Variants in CTNNA3 observed in about 807,000 individuals in gnomAD.
CTNNA3 encodes the protein catenin alpha 3.
Under a neutral mutation model 95.7 loss-of-function variants are expected in CTNNA3, and 76 were observed. The observed-to-expected ratio is 0.79, with a 90% CI of 0.66 to 0.96. The LOEUF (loss-of-function observed/expected upper bound fraction) is 0.96, where lower values mean the gene tolerates loss of function less well. Ranked by LOEUF, CTNNA3 falls within the 40% of genes least tolerant of loss-of-function variation. The pLI is 0.00. For missense variants in CTNNA3, 1,191 were observed against 1,089.8 expected, an observed-to-expected ratio of 1.09 and a Z score of -1.31; for synonymous variants, 431 against 374.4, an observed-to-expected ratio of 1.15 and a Z score of -1.74.
chr10:66,404,383 A>G lies in CTNNA3; in HGVS notation c.1532-25031T>C, dbSNP rs113843444. The stretch of plus-strand genomic sequence containing the variant: ...TTCACTACTGCAATGCTGTGGTCTC[A>G]GTAGTTTGATTTTGTTTGTGCAGCA... On this transcript the variant is annotated intron_variant, in intron 11 of 17. Coordinates refer to ENST00000433211, the MANE Select transcript of CTNNA3 (RefSeq NM_013266.4). Among the ~76,000 whole-genome samples, 1,023 of 152,234 alleles carry G rather than the reference A, an allele frequency of 6.7e-3. 15 individuals are homozygous for G. The highest frequency in any genetic ancestry group is 0.024 in the African/African-American group (987 of 41,552).
At chr10:66,890,506 G>A (rs1032618686) in intron 7 of CTNNA3, among the ~76,000 whole-genome samples, 8 of 152,116 alleles carry the variant, frequency 5.3e-5, no homozygotes, top group African/African-American at 1.9e-4. Flanking sequence ...ATACTGGTGA[G>A]AGATGGGGTA....
At position 66,050,858 on chromosome 10, in the gene CTNNA3, C is replaced by CT. The variant is rs11345645; in HGVS notation, c.2159+18449dup. 1.7e-4 allele frequency among the ~76,000 whole-genome samples: 25 copies of CT among 148,124 alleles called. No homozygotes were observed. In the South Asian group the frequency reaches 2.6e-3, roughly 15 times the overall value. On this transcript the variant is annotated intron_variant, in intron 15 of 17. Coordinates refer to ENST00000433211, the MANE Select transcript of CTNNA3 (RefSeq NM_013266.4). ...TTCTTTTCTGGGTTCCCATTTCTTA[C>CT]TTTTTTTTTTTAAGAGATGGGGTCT...
chr10:66,231,014 C>T (rs72797255), intron 13 of CTNNA3, among the ~76,000 whole-genome samples: 17,516 of 152,020 alleles, frequency 0.12, 1,082 homozygotes, highest in Middle Eastern at 0.18. Context: ...GGTGGTGGCT[C>T]TTCTCTAAAA....
At chr10:66,796,443 A>G (rs1163671805) in intron 7 of CTNNA3, among the ~76,000 whole-genome samples, 1 of 152,030 alleles carries the variant, frequency 6.6e-6, no homozygotes, top group Non-Finnish European at 1.5e-5. Context: ...GTGGCCCCCT[A>G]AGACAATAAC....
intron 1 of CTNNA3, among the ~76,000 whole-genome samples, chr10:67,718,014 T>C (rs1589579674): frequency 6.6e-6 from 1 of 152,228 alleles, no homozygotes; most frequent in Non-Finnish European, 1.5e-5. Flanking sequence ...TTTATAGTTC[T>C]CCTTGAAGAG....
intron 10 of CTNNA3, among the ~76,000 whole-genome samples, chr10:66,603,561 A>G (rs866466991): frequency 3.3e-5 from 5 of 152,192 alleles, no homozygotes; most frequent in Admixed American, 6.5e-5. Flanking sequence ...TATTAATGAT[A>G]TTCTTCAGGT....
intron 11 of CTNNA3, among the ~76,000 whole-genome samples, chr10:66,425,052 A>T (rs774771445): frequency 6.6e-6 from 1 of 152,056 alleles, no homozygotes; most frequent in Non-Finnish European, 1.5e-5. Flanking sequence ...AGCTATCTAC[A>T]AATAATTGTG....
At chr10:67,634,152 C>A (rs1839232765) in intron 2 of CTNNA3, among the ~76,000 whole-genome samples, 1 of 152,118 alleles carries the variant, frequency 6.6e-6, no homozygotes, top group Non-Finnish European at 1.5e-5. Context: ...CCCTACAAGG[C>A]AGAAGAGATT....
At chr10:67,691,317 G>A (rs956841149) in intron 1 of CTNNA3, among the ~76,000 whole-genome samples, 13 of 152,180 alleles carry the variant, frequency 8.5e-5, no homozygotes, top group East Asian at 1.9e-4. Context: ...CCACCACCCC[G>A]TCTGGGAAGT....
intron 9 of CTNNA3, among the ~76,000 whole-genome samples, chr10:66,700,851 T>C (rs1011903166): frequency 7.9e-5 from 12 of 152,212 alleles, no homozygotes; most frequent in Non-Finnish European, 8.8e-5. Flanking sequence ...TAGCAGGAGC[T>C]GTATATTCTC....
At chr10:66,643,487 A>G (rs1337087973) in intron 9 of CTNNA3, among the ~76,000 whole-genome samples, 1 of 152,174 alleles carries the variant, frequency 6.6e-6, no homozygotes, top group Non-Finnish European at 1.5e-5. Context: ...ATGGAAGACT[A>G]CTTAAGGGCA....
intron 12 of CTNNA3, among the ~76,000 whole-genome samples, chr10:66,327,784 G>A (rs956638302): frequency 1.3e-5 from 2 of 152,084 alleles, no homozygotes; most frequent in African/African-American, 2.4e-5. Flanking sequence ...TCTTAAAACT[G>A]TATCATGAAT....
intron 13 of CTNNA3, among the ~76,000 whole-genome samples, chr10:66,110,775 A>G (rs1203770388): frequency 1.3e-5 from 2 of 152,148 alleles, no homozygotes; most frequent in Non-Finnish European, 2.9e-5. Context: ...AACAATCAGG[A>G]CACATCCTGA....
intron 5 of CTNNA3, among the ~76,000 whole-genome samples, chr10:67,276,898 C>CAT (rs1165780290): frequency 6.6e-6 from 1 of 151,558 alleles, no homozygotes; most frequent in African/African-American, 2.4e-5. Flanking sequence ...TATATATACA[C>CAT]ATATATATAT....
chr10:66,446,094 G>A (rs930320694), intron 11 of CTNNA3, among the ~76,000 whole-genome samples: 2 of 152,136 alleles, frequency 1.3e-5, no homozygotes, highest in Admixed American at 6.5e-5. Context: ...TAAATTCCTT[G>A]ACACATACAC....
At chr10:67,716,372 T>C (rs1316905535) in intron 1 of CTNNA3, among the ~76,000 whole-genome samples, 1 of 152,168 alleles carries the variant, frequency 6.6e-6, no homozygotes, top group Non-Finnish European at 1.5e-5. Context: ...GTGCAGAACA[T>C]GCAGGTTTGT....
At chr10:66,378,067 GATC>G (rs2092808694) in intron 12 of CTNNA3, among the ~76,000 whole-genome samples, 1 of 152,096 alleles carries the variant, frequency 6.6e-6, no homozygotes, top group Non-Finnish European at 1.5e-5. Flanking sequence ...CAGCAAAACT[GATC>G]ATCAATTCCC....
chr10:65,992,065 T>C (rs2133337667), intron 15 of CTNNA3, among the ~76,000 whole-genome samples: 1 of 152,282 alleles, frequency 6.6e-6, no homozygotes, highest in East Asian at 1.9e-4. Context: ...GATTTGTGTA[T>C]GTTGAATCAT....
At chr10:66,522,614 A>G (rs1841106397) in intron 10 of CTNNA3, among the ~76,000 whole-genome samples, 1 of 151,940 alleles carries the variant, frequency 6.6e-6, no homozygotes, top group African/African-American at 2.4e-5. Context: ...AGGCATCCCC[A>G]GCCCTGTGGA....
Sources: allele counts gnomAD v4.1 joint callset (sites outside exome capture counted in the v4.1 genomes callset), GRCh38; gene constraint gnomAD v4.1.1; transcripts MANE v1.5; gene names NCBI Gene and HGNC (gene_info 2026-07-23, HGNC 2026-07-21).